The following PTGFRN variants were observed in gnomAD, a reference collection of about 807,000 sequenced individuals.
The protein encoded by PTGFRN is prostaglandin F2 receptor negative regulator.
In PTGFRN, 35 loss-of-function variants were observed where a neutral mutation model predicts 83.2. The observed-to-expected ratio is 0.42, with a 90% confidence interval of 0.32 to 0.56. The LOEUF (loss-of-function observed/expected upper bound fraction) is 0.56. Among genes scored for constraint, PTGFRN ranks in the 20% least tolerant of loss-of-function variants. PTGFRN has a pLI of 0.11. For synonymous variants in PTGFRN, 519 were observed against 498.6 expected (o/e 1.04, Z -0.55); for missense variants, 1,051 against 1,179.5 (o/e 0.89, Z 1.60).
At chr1:116,974,608 C>G (rs1651092206) in intron 7 of PTGFRN, 4 of 356,744 alleles carry the variant, frequency 1.1e-5, no homozygotes, top group African/African-American at 4.2e-5. Flanking sequence ...TTGAAACCCA[C>G]TGGCAGAGTC....
At position 116,943,824 on chromosome 1, in the gene PTGFRN, T is replaced by C. The variant is rs918970798; in HGVS notation, c.419-855T>C. On this transcript the variant is annotated intron_variant, in intron 2 of 8. Transcript: ENST00000393203. Reference sequence around the variant, plus strand: ...CAAGGACACTGAATTAGTTTCTGAATATGGAATTGGGGGGAAAAAAAAACA... The same window carrying C: ...CAAGGACACTGAATTAGTTTCTGAACATGGAATTGGGGGGAAAAAAAAACA... Among the ~76,000 whole-genome samples the C allele has an allele frequency of 3.3e-5, 5 of 152,120 alleles. No homozygotes were observed. The East Asian group carries it at 9.6e-4, about 29-fold the overall frequency.
In PTGFRN at chr1:116,988,505, C is replaced by T. The variant is rs1333800248; in HGVS notation, c.*1538C>T. 1 of 152,704 alleles carries T rather than the reference C, an allele frequency of 6.5e-6. No individual in the cohort carries two copies. The highest frequency in any genetic ancestry group is 1.5e-5 in the Non-Finnish European group (1 of 68,094). 9.5% of individuals were successfully genotyped at this position (152,704 alleles called of 1,614,324 possible). ...TGACTCATGCCCTAATTGCAATCCT[C>T]TGCTTTTATCTTGACTTTGAAGGAT... is the stretch of plus-strand genomic sequence containing the variant. On this transcript the variant is annotated 3_prime_UTR_variant, in exon 9 of 9. Transcript: ENST00000393203.
chr1:116,951,523 A>G (rs1650345934), intron 4 of PTGFRN, among the ~76,000 whole-genome samples: 1 of 152,280 alleles, frequency 6.6e-6, no homozygotes, highest in Non-Finnish European at 1.5e-5. Flanking sequence ...GTACCCACAC[A>G]TGGATTTTGT....
At chr1:116,921,171 T>C (rs2101052248) in intron 1 of PTGFRN, among the ~76,000 whole-genome samples, 1 of 152,306 alleles carries the variant, frequency 6.6e-6, no homozygotes, top group Admixed American at 6.5e-5. Context: ...CCTGGCTACT[T>C]TGAGGTGCTA....
rs1649231843 is a variant in PTGFRN, at chr1:116,910,265, G to A, written c.49+13G>A. The A allele has an allele frequency of 1.4e-6, 2 of 1,410,632 alleles. No individual in the cohort carries two copies. The highest frequency in any genetic ancestry group is 1.8e-6 in the Non-Finnish European group (2 of 1,090,082). 87.4% of individuals were successfully genotyped at this position (1,410,632 alleles called of 1,614,324 possible). ...CTCCTGTCGTTGGGTGAGTGTGCGC[G>A]GGGCTCAGCGGGGCACACGGGGACT... On this transcript the variant is annotated intron_variant, in intron 1 of 8. Transcript: ENST00000393203.
At chr1:116,967,395 G>C in intron 6 of PTGFRN, 65 bp downstream of exon 6, 2 of 1,485,870 alleles carry the variant, frequency 1.3e-6, no homozygotes, top group Non-Finnish European at 1.8e-6. Context: ...TTGATCAGAT[G>C]CCCTCATTTT....
intron 2 of PTGFRN, among the ~76,000 whole-genome samples, chr1:116,944,330 C>G (rs748981358): frequency 1.3e-5 from 2 of 152,206 alleles, no homozygotes; most frequent in Admixed American, 1.3e-4. Context: ...CATGTCAACT[C>G]TATGACGAAG....
chr1:116,949,942 G>A lies in PTGFRN; in HGVS notation c.1213+370G>A, dbSNP rs143881729. ...TTAGACTCCTAGGTGCTCCCTGGCAGGAGCTGGTGCTTTTCCAAAGCCCAA... is the reference window on the plus strand; with the variant it reads ...TTAGACTCCTAGGTGCTCCCTGGCAAGAGCTGGTGCTTTTCCAAAGCCCAA... On this transcript the variant is annotated intron_variant, in intron 4 of 8. Coordinates refer to ENST00000393203, the MANE Select transcript of PTGFRN (RefSeq NM_020440.4). Among the ~76,000 whole-genome samples the A allele has an allele frequency of 1.0e-3, 153 of 152,330 alleles. 2 individuals are homozygous for A. The East Asian group carries it at 0.028, about 28-fold the overall frequency.
At chr1:116,946,895 G>C (rs1650214711) in intron 3 of PTGFRN, among the ~76,000 whole-genome samples, 3 of 152,172 alleles carry the variant, frequency 2.0e-5, no homozygotes, top group African/African-American at 7.2e-5. Context: ...TGTACTTTCT[G>C]AATAGTAATG....
At position 116,987,029 on chromosome 1, in the gene PTGFRN, A is replaced by C; in HGVS notation, c.*62A>C. On this transcript the variant is annotated 3_prime_UTR_variant, in exon 9 of 9. Coordinates refer to ENST00000393203, the MANE Select transcript of PTGFRN (RefSeq NM_020440.4). ...GGAGCAATTGGGGCAAGAAGAGGAC[A>C]GTGATATTTTAAAACAAAGTGTGTT... is the stretch of plus-strand genomic sequence containing the variant. 1 of 1,587,710 alleles carries C rather than the reference A, an allele frequency of 6.3e-7. No homozygotes were observed.
intron 1 of PTGFRN, among the ~76,000 whole-genome samples, chr1:116,916,492 G>C (rs1250298184): frequency 2.0e-5 from 3 of 152,140 alleles, no homozygotes; most frequent in African/African-American, 7.2e-5. Flanking sequence ...TTTAGAGCTG[G>C]ACTAGACAGA....
chr1:116,947,043 T>C (rs181850672), intron 3 of PTGFRN, among the ~76,000 whole-genome samples: 4 of 152,170 alleles, frequency 2.6e-5, no homozygotes, highest in Non-Finnish European at 4.4e-5. Flanking sequence ...CAGGTACAGA[T>C]TAATAAAAAT....
chr1:116,914,309 G>A (rs1164726887), intron 1 of PTGFRN, among the ~76,000 whole-genome samples: 2 of 152,324 alleles, frequency 1.3e-5, no homozygotes, highest in East Asian at 1.9e-4. Flanking sequence ...TTCTGCACAC[G>A]TTCTATTGGA....
intron 4 of PTGFRN, among the ~76,000 whole-genome samples, chr1:116,954,878 A>G (rs1650445108): frequency 6.6e-6 from 1 of 152,232 alleles, no homozygotes; most frequent in South Asian, 2.1e-4. Context: ...TGAAAATGCA[A>G]GGAAAGTATA....
intron 6 of PTGFRN, among the ~76,000 whole-genome samples, chr1:116,972,053 G>C (rs17520400): frequency 6.6e-6 from 1 of 152,056 alleles, no homozygotes; most frequent in African/African-American, 2.4e-5. Context: ...TCACTGACAG[G>C]TGGCCGCCTA....
intron 1 of PTGFRN, among the ~76,000 whole-genome samples, chr1:116,931,793 A>C (rs183443387): frequency 6.3e-4 from 96 of 152,256 alleles, no homozygotes; most frequent in African/African-American, 2.3e-3. Context: ...CTTTCTGTGC[A>C]TTCATTTCTA....
Position 116,986,874 on chromosome 1 carries a change from C to T in PTGFRN, c.2547C>T (p.Leu849=), listed in dbSNP as rs1651505973. The part of the protein sequence containing the change: ...LSTVIGLLSC[L]IGYCSSHWCC... ...CGGTCATCGGGCTCCTGTCCTGTCT[C>T]ATCGGGTACTGCAGCTCCCACTGGT... The change falls in exon 9 of 9, where the codon CTC becomes CTT. Residue 849 remains leucine, a synonymous_variant. Transcript: ENST00000393203. The T allele has an allele frequency of 6.2e-7, 1 of 1,614,114 alleles. No individual in the cohort carries two copies. Among genetic ancestry groups the T allele is most frequent in the African/African-American group, 1.3e-5 (1 of 74,942 alleles).
intron 7 of PTGFRN, among the ~76,000 whole-genome samples, chr1:116,981,048 T>G (rs1361224067): frequency 6.6e-6 from 1 of 152,194 alleles, no homozygotes; most frequent in Non-Finnish European, 1.5e-5. Flanking sequence ...ATTTTTTCTT[T>G]GCATTTACAT....
intron 1 of PTGFRN, among the ~76,000 whole-genome samples, chr1:116,932,293 G>T (rs1245664355): frequency 6.6e-6 from 1 of 152,138 alleles, no homozygotes; most frequent in African/African-American, 2.4e-5. Flanking sequence ...AGGAGTAGTT[G>T]TTTACTTTGA....
Sources: gnomAD v4.1 joint callset for allele counts (sites outside exome capture counted in the v4.1 genomes callset) on GRCh38, gnomAD v4.1.1 for gene constraint, MANE v1.5 for transcripts, NCBI Gene and HGNC (gene_info 2026-07-23, HGNC 2026-07-21) for gene names.